ST3GAL4: variants seen among roughly 807,000 people sequenced by gnomAD.
ST3GAL4 encodes ST3 beta-galactoside alpha-2,3-sialyltransferase 4, also known as CMP-N-acetylneuraminate-beta-galactosamide-alpha-2,3-sialyltransferase 4.
In ST3GAL4, 24 loss-of-function variants were observed where a neutral mutation model predicts 42.6. The ratio of observed to expected loss-of-function variants is 0.56; its 90% CI spans 0.41 to 0.79. The LOEUF (loss-of-function observed/expected upper bound fraction) is 0.79. ST3GAL4 is among the 30% of genes least tolerant of loss of function. The pLI is 0.00. For missense variants in ST3GAL4, 311 were observed against 430.8 expected, an observed-to-expected ratio of 0.72 and a Z score of 2.46; for synonymous variants, 135 against 163.2, an observed-to-expected ratio of 0.83 and a Z score of 1.32.
intron 1 of ST3GAL4, among the ~76,000 whole-genome samples, chr11:126,401,607 G>GAGCCA (rs1953997313): frequency 8.3e-6 from 1 of 120,144 alleles, no homozygotes; most frequent in Non-Finnish European, 2.1e-5. Context: ...CCCGGCAGCA[G>GAGCCA]AGCCTACTGT....
rs918980099 is a variant in ST3GAL4 at position 126,359,142 on chromosome 11, C to G, written c.-61+3300C>G. 6.6e-6 allele frequency among the ~76,000 whole-genome samples: 1 copy of G among 152,176 alleles called. No homozygotes were observed. The highest frequency in any genetic ancestry group is 1.5e-5 in the Non-Finnish European group (1 of 68,034). ...TTGGAGAGTGCTAAGGAATGCTGGTCTGCAGCGACCCTACTTGTGCTCTGC... is the reference window on the plus strand; with the variant it reads ...TTGGAGAGTGCTAAGGAATGCTGGTGTGCAGCGACCCTACTTGTGCTCTGC... On this transcript the variant is annotated intron_variant, in intron 1 of 10. Transcript: ENST00000444328. This position sits in a 1 kb window ranked among gnomAD's most constrained non-coding sequence, Gnocchi z 4.8.
intron 1 of ST3GAL4, among the ~76,000 whole-genome samples, chr11:126,385,501 T>C (rs2135458727): frequency 6.6e-6 from 1 of 152,246 alleles, no homozygotes; most frequent in East Asian, 1.9e-4. Context: ...ATTTCATGGG[T>C]GCATAGAGTA....
At position 126,395,072 on chromosome 11, in the gene ST3GAL4, A is replaced by G. The variant is rs1017178208; in HGVS notation, c.-60-11024A>G. Among the ~76,000 whole-genome samples, 45 of 152,102 alleles carry G rather than the reference A, an allele frequency of 3.0e-4. 1 individual carries two copies. The highest frequency in any genetic ancestry group is 5.7e-4 in the Non-Finnish European group (39 of 68,004). On this transcript the variant is annotated intron_variant, in intron 1 of 10. Coordinates refer to ENST00000444328, the MANE Select transcript of ST3GAL4 (RefSeq NM_001254757.2). Reference sequence around the variant, plus strand: ...AGGCGTGCTGTGATCACAGTGTTCAATGATGGGGTGAGGCTACAGCGTCCA... The same window carrying G: ...AGGCGTGCTGTGATCACAGTGTTCAGTGATGGGGTGAGGCTACAGCGTCCA...
chr11:126,385,820 T>C (rs992410332), intron 1 of ST3GAL4, among the ~76,000 whole-genome samples: 3 of 151,802 alleles, frequency 2.0e-5, no homozygotes, highest in African/African-American at 7.3e-5. Context: ...GAGGCCACCC[T>C]AGACAACATA....
intron 1 of ST3GAL4, among the ~76,000 whole-genome samples, chr11:126,369,465 C>G (rs1485761479): frequency 6.6e-6 from 1 of 152,142 alleles, no homozygotes; most frequent in Non-Finnish European, 1.5e-5. Context: ...CCAGGCTGGT[C>G]TCGATCTCCT....
At chr11:126,370,110 A>G (rs1171689337) in intron 1 of ST3GAL4, among the ~76,000 whole-genome samples, 3 of 152,236 alleles carry the variant, frequency 2.0e-5, no homozygotes, top group Admixed American at 1.3e-4. Context: ...TAAAGATCCT[A>G]ACAGACAAGT....
At chr11:126,375,268 G>A (rs1952792709) in intron 1 of ST3GAL4, 1 of 152,404 alleles carries the variant, frequency 6.6e-6, no homozygotes, top group Admixed American at 6.5e-5. Flanking sequence ...GAGAGCACCA[G>A]GGCTGTGGGG....
In ST3GAL4 at chr11:126,376,887, T is replaced by A. The variant is rs1487444691; in HGVS notation, c.-61+21045T>A. 1 of 152,236 alleles carries A rather than the reference T, an allele frequency of 6.6e-6. No individual in the cohort carries two copies. The highest frequency in any genetic ancestry group is 1.9e-4 in the East Asian group (1 of 5,200). 9.4% of individuals were successfully genotyped at this position (152,236 alleles called of 1,614,324 possible). On this transcript the variant is annotated intron_variant, in intron 1 of 10. Transcript: ENST00000444328. This position sits in a 1 kb window ranked among gnomAD's most constrained non-coding sequence, Gnocchi z 5.1. ...AGTTACATAGTCAGTGTTGCTTTCCTCAAGTTGAATGATCCTCATGGTAAC... is the reference window on the plus strand; with the variant it reads ...AGTTACATAGTCAGTGTTGCTTTCCACAAGTTGAATGATCCTCATGGTAAC...
At chr11:126,402,451 G>GAAAA (rs575036017) in intron 1 of ST3GAL4, among the ~76,000 whole-genome samples, 29 of 100,972 alleles carry the variant, frequency 2.9e-4, no homozygotes, top group African/African-American at 9.6e-4. Flanking sequence ...AAGACTGTCT[G>GAAAA]AAAAAAAAAA....
chr11:126,364,851 G>A (rs1952370202), intron 1 of ST3GAL4, among the ~76,000 whole-genome samples: 1 of 151,490 alleles, frequency 6.6e-6, no homozygotes, highest in African/African-American at 2.4e-5. Context: ...CCTGATCACC[G>A]CACTCCCCAC....
chr11:126,365,541 T>C (rs1313382659), intron 1 of ST3GAL4, among the ~76,000 whole-genome samples: 1 of 152,178 alleles, frequency 6.6e-6, no homozygotes, highest in East Asian at 1.9e-4. Flanking sequence ...GTGTGGGCCA[T>C]AGCCCAGACC....
At position 126,400,252 on chromosome 11, in the gene ST3GAL4, G is replaced by A. The variant is rs941406577; in HGVS notation, c.-60-5844G>A. On this transcript the variant is annotated intron_variant, in intron 1 of 10. Coordinates refer to ENST00000444328, the MANE Select transcript of ST3GAL4 (RefSeq NM_001254757.2). The surrounding 1 kb of genome is among the most constrained non-coding windows in gnomAD (Gnocchi z 4.6). ...GGCCTTCTTGCTGCATCATCCCATGGTGGAGAGTGGAATGGCAAGACAGAT... is the reference window on the plus strand; with the variant it reads ...GGCCTTCTTGCTGCATCATCCCATGATGGAGAGTGGAATGGCAAGACAGAT... Among the ~76,000 whole-genome samples the A allele has an allele frequency of 2.6e-5, 4 of 152,264 alleles. No homozygotes were observed. Among genetic ancestry groups the A allele is most frequent in the Non-Finnish European group, 5.9e-5 (4 of 68,054 alleles).
Position 126,400,302 on chromosome 11 carries a change from T to C in ST3GAL4, c.-60-5794T>C, listed in dbSNP as rs1203632817. Among the ~76,000 whole-genome samples, 1 of 152,192 alleles carries C rather than the reference T, an allele frequency of 6.6e-6. No individual in the cohort carries two copies. The highest frequency in any genetic ancestry group is 1.5e-5 in the Non-Finnish European group (1 of 68,038). On this transcript the variant is annotated intron_variant, in intron 1 of 10. Transcript: ENST00000444328. This position sits in a 1 kb window ranked among gnomAD's most constrained non-coding sequence, Gnocchi z 4.6. Reference sequence around the variant, plus strand: ...TCAAGAGGGGACCTAACTGGCCTTTTATAAGGAACCCAGTTCCACAGTAAT... The same window carrying C: ...TCAAGAGGGGACCTAACTGGCCTTTCATAAGGAACCCAGTTCCACAGTAAT...
intron 1 of ST3GAL4, among the ~76,000 whole-genome samples, chr11:126,377,544 G>A (rs983984817): frequency 1.4e-4 from 21 of 150,410 alleles, no homozygotes; most frequent in African/African-American, 5.2e-4. Context: ...GTGTGCAGTG[G>A]TGTGATCTTG....
chr11:126,370,061 T>A (rs1952585891), intron 1 of ST3GAL4, among the ~76,000 whole-genome samples: 1 of 152,258 alleles, frequency 6.6e-6, no homozygotes, highest in Non-Finnish European at 1.5e-5. Context: ...TGCATAGATT[T>A]CATGTTTCCA....
chr11:126,364,193 G>C (rs563577440), intron 1 of ST3GAL4, among the ~76,000 whole-genome samples: 6 of 152,020 alleles, frequency 3.9e-5, no homozygotes, highest in Non-Finnish European at 7.4e-5. Context: ...TGACAACAAA[G>C]CTCCCTCTGT....
intron 9 of ST3GAL4, among the ~76,000 whole-genome samples, chr11:126,412,291 G>T (rs1261982424): frequency 6.6e-6 from 1 of 152,184 alleles, no homozygotes; most frequent in African/African-American, 2.4e-5. Flanking sequence ...TCCAGCCAGG[G>T]AGTGGAAGAT....
intron 1 of ST3GAL4, among the ~76,000 whole-genome samples, chr11:126,362,101 C>A (rs1322289313): frequency 1.3e-5 from 2 of 151,358 alleles, no homozygotes; most frequent in African/African-American, 4.9e-5. Context: ...AGGCTGGTCT[C>A]AAACTCCTGA....
chr11:126,366,137 G>A lies in ST3GAL4; in HGVS notation c.-61+10295G>A, dbSNP rs1952415083. ...CCCTGCCCCTTAGAGGCTCCGGGCT[G>A]CCTGGTGATAGCTCCCAGGGACCTG... On this transcript the variant is annotated intron_variant, in intron 1 of 10. Transcript: ENST00000444328. The surrounding 1 kb of genome is among the most constrained non-coding windows in gnomAD (Gnocchi z 4.2). Among the ~76,000 whole-genome samples the A allele has an allele frequency of 6.6e-6, 1 of 152,224 alleles. No homozygotes were observed. Among genetic ancestry groups the A allele is most frequent in the Non-Finnish European group, 1.5e-5 (1 of 68,032 alleles).
Sources: allele counts gnomAD v4.1 joint callset (sites outside exome capture counted in the v4.1 genomes callset), GRCh38; gene constraint gnomAD v4.1.1; non-coding constraint Gnocchi (gnomAD v3.1); transcripts MANE v1.5; gene names NCBI Gene and HGNC (gene_info 2026-07-23, HGNC 2026-07-21).